Variants in STOX1 observed in about 807,000 individuals in gnomAD.
The protein encoded by STOX1 is storkhead-box protein 1.
A neutral mutation model predicts 74.8 loss-of-function variants in STOX1; 57 were observed. The observed-to-expected ratio is 0.76, with a 90% CI of 0.62 to 0.95. The LOEUF is 0.95. Among genes scored for constraint, STOX1 ranks in the 40% least tolerant of loss-of-function variants. The probability of loss-of-function intolerance (pLI) is 0.00; values close to 1 mark genes in which losing one functional copy is unlikely to be tolerated. For synonymous variants in STOX1, 375 were observed against 401.3 expected, an observed-to-expected ratio of 0.93 and a Z score of 0.78; for missense variants, 1,010 against 1,117.0, an observed-to-expected ratio of 0.90 and a Z score of 1.37.
At position 68,888,530 on chromosome 10, in the gene STOX1, T is replaced by C. The variant is rs2132003330; in HGVS notation, c.2822+1912T>C. Among the ~76,000 whole-genome samples, 2 of 152,306 alleles carry C rather than the reference T, an allele frequency of 1.3e-5. 1 individual carries two copies. Among genetic ancestry groups the C allele is most frequent in the South Asian group, 4.1e-4 (2 of 4,832 alleles). ...ACTGAGTTACTATTTTGCATGTTGC[T>C]TTTTAAAATTAATAGCCTATCATAT... On this transcript the variant is annotated intron_variant, in intron 3 of 3. Coordinates refer to ENST00000298596, the MANE Select transcript of STOX1 (RefSeq NM_152709.5).
rs189396701 is a variant in STOX1, at chr10:68,832,979, A to G, written c.310+5046A>G. On this transcript the variant is annotated intron_variant, in intron 1 of 3. Transcript: ENST00000298596. ...GCAGGTCTTGCTCGCTATGTTATCCATTTTGGTCTCAGACTCCTGGGCTCA... is the reference window on the plus strand; with the variant it reads ...GCAGGTCTTGCTCGCTATGTTATCCGTTTTGGTCTCAGACTCCTGGGCTCA... 7.5e-3 allele frequency among the ~76,000 whole-genome samples: 1,133 copies of G among 150,158 alleles called. 9 individuals carry two copies. Among genetic ancestry groups the G allele is most frequent in the Admixed American group, 0.011 (167 of 15,026 alleles).
At chr10:68,835,403 G>T (rs766321226) in intron 1 of STOX1, among the ~76,000 whole-genome samples, 1 of 151,982 alleles carries the variant, frequency 6.6e-6, no homozygotes, top group African/African-American at 2.4e-5. Context: ...GCTCACTGAA[G>T]CCTTGAACTC....
intron 1 of STOX1, among the ~76,000 whole-genome samples, chr10:68,844,399 A>G (rs1281466738): frequency 6.6e-6 from 1 of 150,804 alleles, no homozygotes; most frequent in Non-Finnish European, 1.5e-5. Flanking sequence ...CCTGGGTTCA[A>G]GTGATCCTCC....
intron 1 of STOX1, among the ~76,000 whole-genome samples, chr10:68,836,228 T>C (rs1839548929): frequency 6.6e-6 from 1 of 152,232 alleles, no homozygotes; most frequent in Admixed American, 6.5e-5. Context: ...GCTAGTTACT[T>C]AACCTCTCTC....
chr10:68,889,854 G>C (rs907188468), intron 3 of STOX1, among the ~76,000 whole-genome samples: 2 of 151,840 alleles, frequency 1.3e-5, no homozygotes, highest in African/African-American at 4.8e-5. Flanking sequence ...GAGCCACTGC[G>C]CCTGGCCTCA....
At chr10:68,864,519 A>G (rs1010860421) in intron 1 of STOX1, among the ~76,000 whole-genome samples, 2 of 152,242 alleles carry the variant, frequency 1.3e-5, no homozygotes, top group African/African-American at 4.8e-5. Flanking sequence ...TAATTTTTCC[A>G]GGATCATATC....
At chr10:68,874,552 C>G (rs2131982275) in intron 1 of STOX1, among the ~76,000 whole-genome samples, 1 of 152,166 alleles carries the variant, frequency 6.6e-6, no homozygotes, top group South Asian at 2.1e-4. Context: ...AACTTCTACT[C>G]TCCTTCCCCT....
chr10:68,882,192 T>C, intron 2 of STOX1, 82 bp downstream of exon 2: 1 of 1,364,430 alleles, frequency 7.3e-7, no homozygotes. Context: ...GCACATAAAC[T>C]GGGTGATATC....
chr10:68,836,607 G>T (rs906017947), intron 1 of STOX1, among the ~76,000 whole-genome samples: 1 of 152,146 alleles, frequency 6.6e-6, no homozygotes, highest in African/African-American at 2.4e-5. Context: ...GCCTGGTGTC[G>T]GAGAAGGAGC....
intron 1 of STOX1, among the ~76,000 whole-genome samples, chr10:68,843,271 A>G (rs946900636): frequency 1.3e-5 from 2 of 152,036 alleles, no homozygotes; most frequent in African/African-American, 2.4e-5. Context: ...GTCTCAAGCA[A>G]TCCTCCCGTC....
chr10:68,832,179 T>A (rs192621012), intron 1 of STOX1, among the ~76,000 whole-genome samples: 1 of 151,870 alleles, frequency 6.6e-6, no homozygotes, highest in Non-Finnish European at 1.5e-5. Context: ...GGGAAGGAGG[T>A]ACTGCAGGGA....
chr10:68,845,911 G>A (rs1839833309), intron 1 of STOX1, among the ~76,000 whole-genome samples: 1 of 151,466 alleles, frequency 6.6e-6, no homozygotes, highest in Non-Finnish European at 1.5e-5. Flanking sequence ...CCCAATTTTT[G>A]TATTTTTAGT....
intron 1 of STOX1, among the ~76,000 whole-genome samples, chr10:68,865,865 A>G (rs1171615814): frequency 1.3e-5 from 2 of 152,098 alleles, no homozygotes; most frequent in African/African-American, 4.8e-5. Context: ...TAAAGCCTCC[A>G]GTTTCTCTTT....
chr10:68,892,814 G>C lies in STOX1; in HGVS notation c.*78G>C, dbSNP rs529606599. On this transcript the variant is annotated 3_prime_UTR_variant, in exon 4 of 4. Transcript: ENST00000298596. ...AGAATCTTTCAATCATGTAAGAATT[G>C]AGTATATAAGAATTGTCTAAAGGCA... The C allele has an allele frequency of 3.6e-5, 52 of 1,460,138 alleles. No individual in the cohort carries two copies. The South Asian group carries it at 5.8e-4, about 16-fold the overall frequency. 90.4% of individuals were successfully genotyped at this position (1,460,138 alleles called of 1,614,324 possible). A position where few individuals can be genotyped will look rare whatever the true frequency, so the allele number is the denominator to read the frequency against.
Position 68,884,674 on chromosome 10 carries a change from G to C in STOX1, c.878G>C (p.Cys293Ser), listed in dbSNP as rs745801979. The part of the protein sequence containing the change: ...AVSVSAEHHI[C>S]ESTKPLPYTR... ...TCAGTGTCTGCGGAGCACCACATTT[G>C]TGAGAGCACCAAACCTTTACCATAC... Residue 293 changes from cysteine (C) to serine (S), a missense_variant, in exon 3 of 4, where the codon TGT becomes TCT. Coordinates refer to ENST00000298596, the MANE Select transcript of STOX1 (RefSeq NM_152709.5). The C allele has an allele frequency of 1.2e-6, 2 of 1,614,048 alleles. No homozygotes were observed. Among genetic ancestry groups the C allele is most frequent in the Non-Finnish European group, 1.7e-6 (2 of 1,180,052 alleles).
rs868866924 is a variant in STOX1 at position 68,885,363 on chromosome 10, C to T, written c.1567C>T (p.Gln523Ter). 1.9e-6 allele frequency: 3 copies of T among 1,614,154 alleles called. No individual in the cohort carries two copies. The African/African-American group carries it at 4.0e-5, about 22-fold the overall frequency. ...IQKTSDLKPS[Q>*]TGPKEKPFQK... The stretch of plus-strand genomic sequence containing the variant: ...GAAGACGAGTGATCTGAAACCCAGC[C>T]AGACTGGACCAAAGGAAAAGCCTTT... Residue 523 changes from glutamine to a stop codon, truncating the protein, a stop_gained, in exon 3 of 4, where the codon CAG (glutamine) becomes TAG (stop). Transcript: ENST00000298596. LOFTEE classifies it high-confidence loss of function.
At chr10:68,861,577 G>A (rs917128104) in intron 1 of STOX1, among the ~76,000 whole-genome samples, 9 of 152,058 alleles carry the variant, frequency 5.9e-5, no homozygotes, top group African/African-American at 1.9e-4. Flanking sequence ...TTTTTGCACG[G>A]CAATAAAAAC....
intron 3 of STOX1, among the ~76,000 whole-genome samples, chr10:68,890,118 G>A (rs1290878091): frequency 6.6e-6 from 1 of 151,756 alleles, no homozygotes; most frequent in Non-Finnish European, 1.5e-5. Flanking sequence ...CTTTTTAATG[G>A]CTGTTTAGCA....
intron 1 of STOX1, among the ~76,000 whole-genome samples, chr10:68,848,434 T>C (rs895717825): frequency 1.3e-5 from 2 of 152,158 alleles, no homozygotes; most frequent in African/African-American, 4.8e-5. Context: ...TGCTTGGAGC[T>C]GCAATGCCAC....
Sources: allele counts gnomAD v4.1 joint callset (sites outside exome capture counted in the v4.1 genomes callset), GRCh38; gene constraint gnomAD v4.1.1; transcripts MANE v1.5; gene names NCBI Gene and HGNC (gene_info 2026-07-23, HGNC 2026-07-21).